Variants in MEI4 observed in about 807,000 individuals in gnomAD.
MEI4 encodes meiotic double-stranded break formation protein 4.
A neutral mutation model predicts 31.4 loss-of-function variants in MEI4; 27 were observed. The ratio of observed to expected loss-of-function variants is 0.86; its 90% CI spans 0.63 to 1.19. The LOEUF (loss-of-function observed/expected upper bound fraction) is 1.19, where lower values mean the gene tolerates loss of function less well. Among genes scored for constraint, MEI4 ranks in the 50% most tolerant of loss-of-function variants. MEI4 has a pLI of 0.00. For missense variants in MEI4, 329 were observed against 398.9 expected, an observed-to-expected ratio of 0.82 and a Z score of 1.49; for synonymous variants, 122 against 145.4, an observed-to-expected ratio of 0.84 and a Z score of 1.16.
rs1313041478 is a variant in MEI4, at chr6:77,823,832, G to A, written c.769-5099G>A. 2.6e-5 allele frequency among the ~76,000 whole-genome samples: 4 copies of A among 152,164 alleles called. No homozygotes were observed. The East Asian group carries it at 5.8e-4, about 22-fold the overall frequency. ...CTGCATCAGCCATCAACATTTATGCGTGATACCATCTGTCCCTGGGTCTCT... is the reference window on the plus strand; with the variant it reads ...CTGCATCAGCCATCAACATTTATGCATGATACCATCTGTCCCTGGGTCTCT... On this transcript the variant is annotated intron_variant, in intron 3 of 4. Coordinates refer to ENST00000684080, the MANE Select transcript of MEI4 (RefSeq NM_001322247.2).
chr6:77,743,946 A>T (rs931235038), intron 2 of MEI4, among the ~76,000 whole-genome samples: 2 of 152,230 alleles, frequency 1.3e-5, no homozygotes, highest in African/African-American at 4.8e-5. Context: ...CAGAAAGGAC[A>T]TCCACACCAA....
chr6:77,922,477 T>C (rs1379664166), intron 4 of MEI4, among the ~76,000 whole-genome samples: 1 of 151,682 alleles, frequency 6.6e-6, no homozygotes, highest in African/African-American at 2.4e-5. Context: ...ATTCTCTCAT[T>C]TTATGCTTGC....
chr6:77,789,206 A>G (rs1768841839), intron 3 of MEI4, among the ~76,000 whole-genome samples: 1 of 152,232 alleles, frequency 6.6e-6, no homozygotes. Flanking sequence ...AGCCATATGT[A>G]GATAGCTGAA....
At chr6:77,657,860 A>G (rs947721401) in intron 1 of MEI4, among the ~76,000 whole-genome samples, 11 of 152,338 alleles carry the variant, frequency 7.2e-5, no homozygotes, top group African/African-American at 2.6e-4. Flanking sequence ...CCCATCTTCA[A>G]ACATTCCAGG....
chr6:77,779,556 A>G (rs1057507983), intron 3 of MEI4, among the ~76,000 whole-genome samples: 1 of 152,230 alleles, frequency 6.6e-6, no homozygotes, highest in African/African-American at 2.4e-5. Flanking sequence ...AAAAGTTATC[A>G]TATTTGCATA....
chr6:77,666,857 C>CTGTGTGTGTGTG, intron 1 of MEI4, among the ~76,000 whole-genome samples: 1 of 148,228 alleles, frequency 6.7e-6, no homozygotes, highest in South Asian at 2.2e-4. Context: ...CTACATGCCT[C>CTGTGTGTGTGTG]TGTGTGTGTG....
intron 2 of MEI4, among the ~76,000 whole-genome samples, chr6:77,758,867 T>G: frequency 6.6e-6 from 1 of 152,300 alleles, no homozygotes; most frequent in African/African-American, 2.4e-5. Context: ...ATTTTATGCT[T>G]TCCTGATCTA....
At chr6:77,790,840 AAAC>A (rs1458454219) in intron 3 of MEI4, among the ~76,000 whole-genome samples, 1 of 151,626 alleles carries the variant, frequency 6.6e-6, no homozygotes, top group Non-Finnish European at 1.5e-5. Context: ...TACAAGAAAA[AAAC>A]AAACAACCCC....
At chr6:77,848,673 C>T (rs1346427391) in intron 4 of MEI4, among the ~76,000 whole-genome samples, 2 of 152,110 alleles carry the variant, frequency 1.3e-5, no homozygotes, top group African/African-American at 2.4e-5. Flanking sequence ...AACCTCTAAA[C>T]TACTCTCTCA....
intron 3 of MEI4, among the ~76,000 whole-genome samples, chr6:77,812,795 A>T (rs1304074163): frequency 1.3e-5 from 2 of 152,090 alleles, no homozygotes; most frequent in African/African-American, 4.8e-5. Context: ...GATTCTGAGC[A>T]CCCCAAAAGA....
At chr6:77,737,409 A>C (rs1767279866) in intron 2 of MEI4, among the ~76,000 whole-genome samples, 1 of 152,054 alleles carries the variant, frequency 6.6e-6, no homozygotes, top group Non-Finnish European at 1.5e-5. Context: ...AGTTGTTCTG[A>C]AATATTGAGC....
intron 3 of MEI4, among the ~76,000 whole-genome samples, chr6:77,815,229 T>TTA (rs1741144262): frequency 6.6e-6 from 1 of 152,064 alleles, no homozygotes; most frequent in South Asian, 2.1e-4. Context: ...CTTCTGAGGG[T>TTA]TATATTGCTT....
intron 3 of MEI4, among the ~76,000 whole-genome samples, chr6:77,790,250 T>G (rs1296771787): frequency 9.0e-6 from 1 of 111,656 alleles, no homozygotes; most frequent in Non-Finnish European, 1.8e-5. Context: ...CAGGGCCTGT[T>G]GTGGGGTGGG....
At chr6:77,890,268 AG>A (rs778037205) in intron 4 of MEI4, among the ~76,000 whole-genome samples, 13 of 152,236 alleles carry the variant, frequency 8.5e-5, no homozygotes, top group Non-Finnish European at 1.9e-4. Context: ...GCAAAGCCAC[AG>A]GGGCAGAGCT....
rs147111168 is a variant in MEI4, at chr6:77,700,746, A to G, written c.232+9843A>G. Among the ~76,000 whole-genome samples, 578 of 152,284 alleles carry G rather than the reference A, an allele frequency of 3.8e-3. 3 individuals carry two copies. The highest frequency in any genetic ancestry group is 6.2e-3 in the Non-Finnish European group (424 of 68,008). On this transcript the variant is annotated intron_variant, in intron 2 of 4. Transcript: ENST00000684080. Reference sequence around the variant, plus strand: ...TCGGCCATCTTGGCTCCACCCTGATATGCTTTTTCTACAGCATTTCAGGAA... The same window carrying G: ...TCGGCCATCTTGGCTCCACCCTGATGTGCTTTTTCTACAGCATTTCAGGAA...
At chr6:77,865,392 G>T (rs1278627672) in intron 4 of MEI4, among the ~76,000 whole-genome samples, 1 of 152,090 alleles carries the variant, frequency 6.6e-6, no homozygotes, top group Non-Finnish European at 1.5e-5. Context: ...AATGATAAAG[G>T]TGATATCACC....
chr6:77,788,082 G>C (rs1768797287), intron 3 of MEI4, among the ~76,000 whole-genome samples: 1 of 152,024 alleles, frequency 6.6e-6, no homozygotes, highest in African/African-American at 2.4e-5. Flanking sequence ...AATGGTACCA[G>C]CAGGGCTGGT....
intron 1 of MEI4, among the ~76,000 whole-genome samples, chr6:77,686,851 C>A (rs1769063584): frequency 7.5e-6 from 1 of 133,760 alleles, no homozygotes; most frequent in Non-Finnish European, 1.6e-5. Context: ...TCCCACCAGT[C>A]TTGAATAGGA....
chr6:77,837,431 T>C (rs1770246412), intron 4 of MEI4, among the ~76,000 whole-genome samples: 1 of 152,144 alleles, frequency 6.6e-6, no homozygotes, highest in African/African-American at 2.4e-5. Context: ...CCTCAACAAA[T>C]AGACTGCATT....
Sources: allele counts gnomAD v4.1 joint callset (sites outside exome capture counted in the v4.1 genomes callset), GRCh38; gene constraint gnomAD v4.1.1; transcripts MANE v1.5; gene names NCBI Gene and HGNC (gene_info 2026-07-23, HGNC 2026-07-21).